JARID2: variants seen among roughly 807,000 people sequenced by gnomAD.
JARID2 encodes protein Jumonji.
JARID2 carries 21 observed loss-of-function variants against 125.6 expected under a neutral mutation model. The observed-to-expected ratio is 0.17, with a 90% confidence interval of 0.12 to 0.24. The LOEUF (loss-of-function observed/expected upper bound fraction) is 0.24, where lower values mean the gene tolerates loss of function less well. JARID2 is among the 10% of genes least tolerant of loss of function. JARID2 has a pLI of 1.00. For synonymous variants in JARID2, 736 were observed against 661.6 expected, an observed-to-expected ratio of 1.11 and a Z score of -1.73; for missense variants, 1,303 against 1,639.6, an observed-to-expected ratio of 0.79 and a Z score of 3.55.
intron 3 of JARID2, among the ~76,000 whole-genome samples, chr6:15,424,550 G>T (rs777075925): frequency 1.3e-4 from 20 of 152,270 alleles, no homozygotes; most frequent in Non-Finnish European, 2.2e-4. Flanking sequence ...GAGTGGCTCT[G>T]TTGATGTTAA....
chr6:15,368,819 T>C (rs910049630), intron 1 of JARID2: 14 of 445,932 alleles, frequency 3.1e-5, no homozygotes, highest in African/African-American at 2.4e-4. Context: ...GGTTTCATCT[T>C]TTCTTTCTGA....
At chr6:15,475,580 A>G (rs1769300140) in intron 5 of JARID2, among the ~76,000 whole-genome samples, 1 of 152,238 alleles carries the variant, frequency 6.6e-6, no homozygotes, top group South Asian at 2.1e-4. Flanking sequence ...CACCTGAGCC[A>G]GGCCGTGCTG....
At chr6:15,308,231 A>T (rs147590839) in intron 1 of JARID2, among the ~76,000 whole-genome samples, 110 of 152,284 alleles carry the variant, frequency 7.2e-4, no homozygotes, top group African/African-American at 2.6e-3. Context: ...TATCATTTCT[A>T]TGATGGAGTG....
intron 6 of JARID2, among the ~76,000 whole-genome samples, chr6:15,491,988 C>T (rs969318102): frequency 1.1e-4 from 17 of 152,282 alleles, no homozygotes; most frequent in Admixed American, 2.6e-4. Flanking sequence ...CTCATCTGGC[C>T]GAACGTAACT....
intron 1 of JARID2, among the ~76,000 whole-genome samples, chr6:15,292,502 C>A (rs1761264773): frequency 6.6e-6 from 1 of 152,114 alleles, no homozygotes. Context: ...TGGAAATAGA[C>A]ATCTTAAAGT....
At chr6:15,511,187 G>A (rs1040017669) in intron 12 of JARID2, 109 bp from the exon 13 acceptor site, 63 of 702,950 alleles carry the variant, frequency 9.0e-5, no homozygotes, top group Non-Finnish European at 1.4e-4. Flanking sequence ...CCGGCGTGGA[G>A]CAGAGCCTCT....
chr6:15,507,097 C>A, intron 9 of JARID2, 39 bp from the exon 10 acceptor site: 2 of 1,346,528 alleles, frequency 1.5e-6, no homozygotes, highest in Non-Finnish European at 2.1e-6. Flanking sequence ...GGCTGCAGCA[C>A]CTTAGGGGTG....
intron 1 of JARID2, among the ~76,000 whole-genome samples, chr6:15,314,288 T>C (rs1301824909): frequency 2.0e-5 from 3 of 152,254 alleles, no homozygotes; most frequent in East Asian, 3.9e-4. Flanking sequence ...TTGTTATTTA[T>C]GTGGTTTTGG....
At chr6:15,478,732 C>T (rs1369767806) in intron 5 of JARID2, among the ~76,000 whole-genome samples, 2 of 151,950 alleles carry the variant, frequency 1.3e-5, no homozygotes, top group African/African-American at 2.4e-5. Flanking sequence ...TGCAATGGCG[C>T]GATCTCGGCT....
intron 5 of JARID2, among the ~76,000 whole-genome samples, chr6:15,473,514 G>GGCCCCCCCCCCC (rs1769181602): frequency 8.6e-5 from 3 of 35,066 alleles, no homozygotes; most frequent in Admixed American, 8.9e-4. Flanking sequence ...TGATGTGCGT[G>GGCCCCCCCCCCC]CCCCCCCCCC....
intron 1 of JARID2, among the ~76,000 whole-genome samples, chr6:15,308,656 T>C (rs1361720436): frequency 1.3e-5 from 2 of 152,208 alleles, no homozygotes; most frequent in Non-Finnish European, 2.9e-5. Flanking sequence ...TCTGCTCTTA[T>C]TATCTTATTA....
intron 3 of JARID2, among the ~76,000 whole-genome samples, chr6:15,417,311 G>A (rs983962985): frequency 6.6e-6 from 1 of 152,044 alleles, no homozygotes; most frequent in Non-Finnish European, 1.5e-5. Flanking sequence ...AATGCAACAG[G>A]TATTGTATCA....
chr6:15,465,679 A>G (rs190899963), intron 4 of JARID2, among the ~76,000 whole-genome samples: 152 of 152,152 alleles, frequency 1.0e-3, no homozygotes, highest in African/African-American at 3.2e-3. Context: ...GATCCTGTTA[A>G]GTGGAAGTTA....
At chr6:15,322,658 C>T (rs1762397448) in intron 1 of JARID2, among the ~76,000 whole-genome samples, 1 of 152,216 alleles carries the variant, frequency 6.6e-6, no homozygotes, top group Non-Finnish European at 1.5e-5. Flanking sequence ...AATATTTGCA[C>T]TAAGCCACTG....
chr6:15,462,942 A>G (rs1768522360), intron 4 of JARID2, among the ~76,000 whole-genome samples: 1 of 152,242 alleles, frequency 6.6e-6, no homozygotes, highest in South Asian at 2.1e-4. Context: ...TTTTGTCCAG[A>G]TGAAAACATT....
At chr6:15,417,168 G>A (rs1478497543) in intron 3 of JARID2, among the ~76,000 whole-genome samples, 2 of 152,184 alleles carry the variant, frequency 1.3e-5, no homozygotes, top group Non-Finnish European at 2.9e-5. Flanking sequence ...GGGGAAGAGG[G>A]TAGAAAAATT....
chr6:15,476,646 G>A (rs1769354214), intron 5 of JARID2, among the ~76,000 whole-genome samples: 1 of 152,194 alleles, frequency 6.6e-6, no homozygotes, highest in South Asian at 2.1e-4. Flanking sequence ...CCTTGGGTTA[G>A]CACTCAAGGG....
At chr6:15,475,459 G>A (rs991653655) in intron 5 of JARID2, among the ~76,000 whole-genome samples, 4 of 152,212 alleles carry the variant, frequency 2.6e-5, no homozygotes, top group Non-Finnish European at 5.9e-5. Flanking sequence ...AACTGCCAGG[G>A]AGGCCCAGGT....
At chr6:15,457,428 C>T (rs1398465762) in intron 4 of JARID2, among the ~76,000 whole-genome samples, 1 of 152,126 alleles carries the variant, frequency 6.6e-6, no homozygotes, top group Non-Finnish European at 1.5e-5. Context: ...CTAGTGTTCA[C>T]CATAAAGAGC....
Sources: allele counts gnomAD v4.1 joint callset (sites outside exome capture counted in the v4.1 genomes callset), GRCh38; gene constraint gnomAD v4.1.1; transcripts MANE v1.5; gene names NCBI Gene and HGNC (gene_info 2026-07-23, HGNC 2026-07-21).